Variants in INO80 observed in about 807,000 individuals in gnomAD.
The protein encoded by INO80 is INO80 complex ATPase subunit.
In INO80, 20 loss-of-function variants were observed where a neutral mutation model predicts 203.4. That is an observed-to-expected ratio of 0.10 (90% CI 0.07 to 0.14). The LOEUF is 0.14. Ranked by LOEUF, INO80 falls within the 10% of genes least tolerant of loss-of-function variation. INO80 has a pLI of 1.00. For missense variants in INO80, 1,419 were observed against 1,914.4 expected, an observed-to-expected ratio of 0.74 and a Z score of 4.83; for synonymous variants, 726 against 685.2, an observed-to-expected ratio of 1.06 and a Z score of -0.93.
intron 29 of INO80, 93 bp from the exon 30 acceptor site, chr15:40,988,067 G>A (rs1022977527): frequency 6.9e-6 from 7 of 1,017,640 alleles, no homozygotes; most frequent in South Asian, 3.2e-5. Flanking sequence ...CGAGTTTGGC[G>A]TCAGTAGGGT....
intron 14 of INO80, among the ~76,000 whole-genome samples, chr15:41,061,634 T>A (rs1016139741): frequency 3.2e-4 from 48 of 150,796 alleles, no homozygotes; most frequent in African/African-American, 1.1e-3. Flanking sequence ...AAAAAATAAA[T>A]AAAATAAAAA....
intron 29 of INO80, among the ~76,000 whole-genome samples, chr15:40,988,833 G>A (rs1392335968): frequency 5.3e-5 from 8 of 152,172 alleles, no homozygotes; most frequent in African/African-American, 1.9e-4. Context: ...TGGCTAACAT[G>A]GTGAAACCCC....
At chr15:40,991,913 G>A (rs1038845661) in intron 29 of INO80, among the ~76,000 whole-genome samples, 2 of 152,042 alleles carry the variant, frequency 1.3e-5, no homozygotes, top group Admixed American at 6.6e-5. Context: ...AGCTGGGAGG[G>A]ACTACAGGCG....
chr15:40,996,838 T>C (rs1433570892), intron 29 of INO80, among the ~76,000 whole-genome samples: 1 of 152,260 alleles, frequency 6.6e-6, no homozygotes, highest in East Asian at 1.9e-4. Flanking sequence ...CAATCCTTTC[T>C]GATGTGTTCA....
chr15:41,046,993 G>A (rs2044779371), intron 23 of INO80, among the ~76,000 whole-genome samples: 1 of 150,770 alleles, frequency 6.6e-6, no homozygotes, highest in Non-Finnish European at 1.5e-5. Context: ...ATTGATCCAG[G>A]CTGGCCTCAA....
At chr15:41,003,550 G>A (rs370368552) in intron 28 of INO80, among the ~76,000 whole-genome samples, 6 of 151,718 alleles carry the variant, frequency 4.0e-5, no homozygotes, top group Admixed American at 1.3e-4. Flanking sequence ...GGCTGGTCTC[G>A]AACTCCTGAC....
At position 41,025,713 on chromosome 15, in the gene INO80, T is replaced by TCAAAAA. The variant is rs547343385; in HGVS notation, c.3048+1877_3048+1882dup. On this transcript the variant is annotated intron_variant, in intron 25 of 35. Coordinates refer to ENST00000648947, the MANE Select transcript of INO80 (RefSeq NM_017553.3). ...CTGGGTGAGAGAGCAAGGCTCCATCTCAAAAACAAAAACAAAAAACCCCAA... is the reference window on the plus strand; with the variant it reads ...CTGGGTGAGAGAGCAAGGCTCCATCTCAAAAACAAAAACAAAAACAAAAAACCCCAA... Among the ~76,000 whole-genome samples the TCAAAAA allele has an allele frequency of 2.7e-3, 404 of 151,884 alleles. 3 individuals are homozygous for TCAAAAA. Among genetic ancestry groups the TCAAAAA allele is most frequent in the South Asian group, 0.013 (62 of 4,812 alleles).
chr15:40,984,121 G>A (rs967377899), intron 33 of INO80, 76 bp downstream of exon 33: 1 of 1,497,828 alleles, frequency 6.7e-7, no homozygotes, highest in Admixed American at 1.9e-5. Flanking sequence ...AGCAAAGACT[G>A]CCCAGCAGTG....
chr15:41,015,043 A>T (rs1365520026), intron 27 of INO80, among the ~76,000 whole-genome samples: 1 of 152,170 alleles, frequency 6.6e-6, no homozygotes, highest in African/African-American at 2.4e-5. Flanking sequence ...ATAAAGACTT[A>T]TTGTACTAGT....
chr15:41,047,540 C>A, intron 22 of INO80, 39 bp from the exon 23 acceptor site: 1 of 1,378,252 alleles, frequency 7.3e-7, no homozygotes, highest in Non-Finnish European at 1.0e-6. Flanking sequence ...AACAGCAAAC[C>A]AAGAGACGAT....
intron 29 of INO80, among the ~76,000 whole-genome samples, chr15:40,989,725 C>T (rs995008054): frequency 3.9e-5 from 6 of 152,200 alleles, no homozygotes; most frequent in African/African-American, 1.4e-4. Flanking sequence ...TCACAGGTGC[C>T]TGCCACCATG....
intron 14 of INO80, among the ~76,000 whole-genome samples, chr15:41,068,593 C>T (rs931912245): frequency 6.6e-5 from 10 of 151,890 alleles, no homozygotes; most frequent in Non-Finnish European, 1.3e-4. Context: ...TGCGGTGGCT[C>T]ATGCCTGTAA....
intron 1 of INO80, among the ~76,000 whole-genome samples, chr15:41,114,688 G>A (rs1037739603): frequency 1.6e-4 from 23 of 145,326 alleles, no homozygotes; most frequent in Middle Eastern, 3.7e-3. Context: ...CAGCCTGGAC[G>A]ACAGAGCGAG....
chr15:41,085,234 T>C (rs963538630), intron 7 of INO80, 135 bp downstream of exon 7: 4 of 761,140 alleles, frequency 5.3e-6, no homozygotes, highest in Non-Finnish European at 8.9e-6. Flanking sequence ...CTACTCAGCA[T>C]TTTCTTGATT....
At position 41,016,231 on chromosome 15, in the gene INO80, G is replaced by T. The variant is rs748506207; in HGVS notation, c.3275-16C>A. On this transcript the variant is annotated splice_polypyrimidine_tract_variant and intron_variant, in intron 26 of 35. Coordinates refer to ENST00000648947, the MANE Select transcript of INO80 (RefSeq NM_017553.3). ...CTCTCCTTGCCTGGGGAGAAGAAAA[G>T]GGGGTGAGGGGGAACTGTATTTAAT... 1 of 1,611,586 alleles carries T rather than the reference G, an allele frequency of 6.2e-7. No homozygotes were observed. The highest frequency in any genetic ancestry group is 1.3e-5 in the African/African-American group (1 of 74,834).
chr15:41,073,381 G>T (rs749729084), intron 11 of INO80, 47 bp downstream of exon 11: 1 of 1,461,486 alleles, frequency 6.8e-7, no homozygotes, highest in Non-Finnish European at 9.6e-7. Flanking sequence ...GGCTTGTGGG[G>T]TATTTCCAGG....
intron 30 of INO80, 149 bp downstream of exon 30, chr15:40,987,667 A>C: frequency 1.3e-6 from 1 of 781,214 alleles, no homozygotes; most frequent in Non-Finnish European, 2.1e-6. Context: ...ATTGCATGGG[A>C]CCTGATTTTA....
At chr15:41,036,273 T>C (rs2044575252) in intron 24 of INO80, among the ~76,000 whole-genome samples, 1 of 151,200 alleles carries the variant, frequency 6.6e-6, no homozygotes, top group Admixed American at 6.6e-5. Context: ...TTTTAGTCTC[T>C]AGGTTTTAAG....
At chr15:41,016,718 G>A (rs2044216408) in intron 26 of INO80, 11 of 152,218 alleles carry the variant, frequency 7.2e-5, no homozygotes, top group Admixed American at 7.2e-4. Flanking sequence ...TTCAAGACAG[G>A]GTTCCACTCT....
Sources: gnomAD v4.1 joint callset for allele counts (sites outside exome capture counted in the v4.1 genomes callset) on GRCh38, gnomAD v4.1.1 for gene constraint, MANE v1.5 for transcripts, NCBI Gene and HGNC (gene_info 2026-07-23, HGNC 2026-07-21) for gene names.